The following GFI1B variants were observed in gnomAD, a reference collection of about 807,000 sequenced individuals.
The protein encoded by GFI1B is growth factor independent 1B transcriptional repressor.
Under a neutral mutation model 35.3 loss-of-function variants are expected in GFI1B, and 20 were observed. That is an observed-to-expected ratio of 0.57 (90% CI 0.40 to 0.82). The LOEUF (loss-of-function observed/expected upper bound fraction) is 0.82, where lower values mean the gene tolerates loss of function less well. Ranked by LOEUF, GFI1B falls within the 40% of genes least tolerant of loss-of-function variation. The pLI is 0.00. For missense variants in GFI1B, 430 were observed against 446.3 expected, an observed-to-expected ratio of 0.96 and a Z score of 0.33; for synonymous variants, 178 against 177.6, an observed-to-expected ratio of 1.00 and a Z score of -0.02.
At chr9:132,952,895 T>C (rs1228247695) in intron 1 of GFI1B, 1 of 152,246 alleles carries the variant, frequency 6.6e-6, no homozygotes, top group African/African-American at 2.4e-5. Flanking sequence ...ATCAATGTGG[T>C]GAAGTACACA....
At chr9:132,968,819 C>A (rs1848489090) in intron 1 of GFI1B, among the ~76,000 whole-genome samples, 1 of 152,190 alleles carries the variant, frequency 6.6e-6, no homozygotes, top group Admixed American at 6.5e-5. Context: ...ACAGAACATA[C>A]AATTTATTAT....
chr9:132,983,389 G>A (rs376821316), intron 1 of GFI1B, among the ~76,000 whole-genome samples: 3 of 151,944 alleles, frequency 2.0e-5, no homozygotes, highest in African/African-American at 7.3e-5. Context: ...TAGAGACGAG[G>A]TTTCACTGTG....
intron 1 of GFI1B, among the ~76,000 whole-genome samples, chr9:132,964,296 G>T (rs138043439): frequency 3.7e-4 from 56 of 152,010 alleles, no homozygotes; most frequent in African/African-American, 1.3e-3. Context: ...TACTTAACGG[G>T]TACAATATAC....
At chr9:132,960,508 G>T (rs981572809) in intron 1 of GFI1B, among the ~76,000 whole-genome samples, 3 of 151,880 alleles carry the variant, frequency 2.0e-5, no homozygotes, top group African/African-American at 7.3e-5. Context: ...ATTTATTTAT[G>T]TATTTATTGA....
At chr9:132,987,846 A>G (rs1190510481) in intron 3 of GFI1B, among the ~76,000 whole-genome samples, 1 of 151,846 alleles carries the variant, frequency 6.6e-6, no homozygotes, top group Non-Finnish European at 1.5e-5. Flanking sequence ...TGTTTATTTT[A>G]TTTCATTTTA....
At position 132,988,422 on chromosome 9, in the gene GFI1B, G is replaced by T. The variant is rs560461496; in HGVS notation, c.464G>T (p.Arg155Leu). The T allele has an allele frequency of 1.3e-5, 21 of 1,613,982 alleles. No individual in the cohort carries two copies. The highest frequency in any genetic ancestry group is 1.7e-5 in the Non-Finnish European group (20 of 1,180,002). ...GAGCCCGCCTTGGACTTCAGCCTCC[G>T]CTACTCCCCAGGCATGGATGCGTAC... is the stretch of plus-strand genomic sequence containing the variant. ...STEPALDFSL[R>L]YSPGMDAYHC... The change falls in exon 4 of 7, where the codon CGC becomes CTC. Residue 155 changes from arginine to leucine, a missense_variant. Physicochemically the swap from Arg to Leu is moderately radical, Grantham distance 102 (BLOSUM62 -2). Coordinates refer to ENST00000372122, the MANE Select transcript of GFI1B (RefSeq NM_001377304.1).
intron 1 of GFI1B, among the ~76,000 whole-genome samples, chr9:132,965,194 G>A (rs368850488): frequency 6.1e-4 from 93 of 152,312 alleles, no homozygotes; most frequent in African/African-American, 1.4e-3. Context: ...AGAGGCAGGT[G>A]CCCAGTAACA....
intron 1 of GFI1B, among the ~76,000 whole-genome samples, chr9:132,948,236 T>C (rs1227087572): frequency 6.6e-6 from 1 of 152,048 alleles, no homozygotes; most frequent in Non-Finnish European, 1.5e-5. Flanking sequence ...TTGGGGTCAC[T>C]AAACTGCGAT....
At chr9:132,972,548 C>T (rs1848547686) in intron 1 of GFI1B, among the ~76,000 whole-genome samples, 1 of 152,112 alleles carries the variant, frequency 6.6e-6, no homozygotes, top group Admixed American at 6.5e-5. Context: ...CATGATGGAG[C>T]CACTGCACTC....
intron 1 of GFI1B, among the ~76,000 whole-genome samples, chr9:132,968,125 T>TATTG (rs1848477245): frequency 6.9e-6 from 1 of 144,850 alleles, no homozygotes; most frequent in Non-Finnish European, 1.5e-5. Flanking sequence ...TTTATTTATT[T>TATTG]ATTTGATTTG....
At chr9:132,951,815 T>G (rs539082994) in intron 1 of GFI1B, 7 of 152,236 alleles carry the variant, frequency 4.6e-5, no homozygotes, top group Non-Finnish European at 8.8e-5. Flanking sequence ...CAGTCCAGAC[T>G]AGAGTACAGT....
intron 1 of GFI1B, among the ~76,000 whole-genome samples, chr9:132,960,831 G>T (rs2132594711): frequency 6.6e-6 from 1 of 151,878 alleles, no homozygotes; most frequent in East Asian, 1.9e-4. Flanking sequence ...TGGGTGTTTT[G>T]TCTTCTTGGG....
intron 1 of GFI1B, among the ~76,000 whole-genome samples, chr9:132,963,121 CTT>C (rs1255745374): frequency 6.9e-6 from 1 of 144,260 alleles, no homozygotes; most frequent in Non-Finnish European, 1.5e-5. Context: ...TATTTTTTCT[CTT>C]TGTTTACATG....
chr9:132,956,187 C>G (rs1848281174), intron 1 of GFI1B, among the ~76,000 whole-genome samples: 1 of 152,198 alleles, frequency 6.6e-6, no homozygotes, highest in South Asian at 2.1e-4. Flanking sequence ...AAGCAAGTTT[C>G]TTGGCCTCTT....
intron 1 of GFI1B, chr9:132,945,722 G>T (rs1430982160): frequency 6.6e-6 from 1 of 151,142 alleles, no homozygotes. Flanking sequence ...CGGTGCAAAA[G>T]TCATCACGGT....
intron 1 of GFI1B, chr9:132,962,765 A>G (rs1848386621): frequency 3.0e-6 from 1 of 328,430 alleles, no homozygotes; most frequent in Admixed American, 3.6e-5. Flanking sequence ...ACAGTTTGAC[A>G]TGTTTTATTA....
intron 1 of GFI1B, among the ~76,000 whole-genome samples, chr9:132,969,423 G>A (rs956723174): frequency 1.2e-4 from 19 of 152,122 alleles, no homozygotes; most frequent in African/African-American, 3.6e-4. Flanking sequence ...TTAGCATAAC[G>A]TCCTCGGGGT....
chr9:132,993,063 G>A (rs1193755757), downstream of GFI1B, among the ~76,000 whole-genome samples: 2 of 152,146 alleles, frequency 1.3e-5, no homozygotes, highest in African/African-American at 4.8e-5. Flanking sequence ...GGAGGCTGAG[G>A]CGGGCAGATC....
downstream of GFI1B, among the ~76,000 whole-genome samples, chr9:132,991,944 G>A (rs1258466353): frequency 3.3e-5 from 5 of 152,062 alleles, no homozygotes; most frequent in Non-Finnish European, 7.4e-5. Context: ...CGTTTCCTGT[G>A]GCTGCTGTGA....
Sources: gnomAD v4.1 joint callset for allele counts (sites outside exome capture counted in the v4.1 genomes callset) on GRCh38, gnomAD v4.1.1 for gene constraint, MANE v1.5 for transcripts, NCBI Gene and HGNC (gene_info 2026-07-23, HGNC 2026-07-21) for gene names.